RIC1: variants seen among roughly 807,000 people sequenced by gnomAD.
RIC1 encodes the protein RIC1 partner of RAB6A GEF complex, also known as guanine nucleotide exchange factor subunit RIC1.
A neutral mutation model predicts 169.0 loss-of-function variants in RIC1; 88 were observed. The observed-to-expected ratio is 0.52, with a 90% CI of 0.44 to 0.62. RIC1 has a LOEUF of 0.62. RIC1 is among the 20% of genes least tolerant of loss of function. The pLI, the probability that RIC1 is intolerant of heterozygous loss-of-function variation, is 0.00. For synonymous variants in RIC1, 790 were observed against 601.5 expected, an observed-to-expected ratio of 1.31 and a Z score of -4.59; for missense variants, 1,877 against 1,725.5, an observed-to-expected ratio of 1.09 and a Z score of -1.56.
intron 1 of RIC1, among the ~76,000 whole-genome samples, chr9:5,639,510 T>C (rs1298965001): frequency 2.6e-5 from 4 of 152,242 alleles, no homozygotes; most frequent in Non-Finnish European, 4.4e-5. Context: ...ACCTATCATA[T>C]GAGCAATCCT....
chr9:5,727,565 C>G (rs555291705), intron 6 of RIC1, among the ~76,000 whole-genome samples: 1 of 152,330 alleles, frequency 6.6e-6, no homozygotes, highest in South Asian at 2.1e-4. Context: ...CATTCTCCAT[C>G]GAGCTTTGTT....
intron 11 of RIC1, 101 bp from the exon 12 acceptor site, chr9:5,747,201 A>T (rs1163789566): frequency 1.2e-6 from 1 of 835,040 alleles, no homozygotes; most frequent in Non-Finnish European, 2.0e-6. Flanking sequence ...TACATTTCCT[A>T]TAATAAAACT....
chr9:5,675,872 C>A (rs1195982946), intron 2 of RIC1, among the ~76,000 whole-genome samples: 1 of 152,160 alleles, frequency 6.6e-6, no homozygotes, highest in East Asian at 1.9e-4. Context: ...ATGCATACAG[C>A]ACATTTGCAG....
rs774461019 is a variant in RIC1 at position 5,720,744 on chromosome 9, T to C, written c.714T>C (p.Thr238=). 3 of 1,604,406 alleles carry C rather than the reference T, an allele frequency of 1.9e-6. No individual in the cohort carries two copies. The highest frequency in any genetic ancestry group is 2.2e-5 in the South Asian group (2 of 88,914). Residue 238 remains threonine (T), a synonymous_variant, in exon 6 of 26, where the codon ACT becomes ACC. Coordinates refer to ENST00000414202, the MANE Select transcript of RIC1 (RefSeq NM_020829.4). ...GFITPVSSRF[T]AEQLHGVWPQ... is the part of the protein sequence containing the mutation. ...TTACACCAGTGTCAAGTAGATTTAC[T>C]GCAGAGGTATGACTTATTTACTTTG...
At chr9:5,668,998 G>A (rs1819941294) in intron 2 of RIC1, among the ~76,000 whole-genome samples, 1 of 152,166 alleles carries the variant, frequency 6.6e-6, no homozygotes, top group Non-Finnish European at 1.5e-5. Flanking sequence ...TGAGTATTAT[G>A]TTGTGGTGAC....
intron 6 of RIC1, among the ~76,000 whole-genome samples, chr9:5,726,977 G>A (rs1448931465): frequency 6.6e-6 from 1 of 152,132 alleles, no homozygotes; most frequent in Non-Finnish European, 1.5e-5. Flanking sequence ...CTCTCTGGCT[G>A]CCCTTAACAT....
intron 2 of RIC1, among the ~76,000 whole-genome samples, chr9:5,662,433 A>G (rs775577656): frequency 1.6e-4 from 25 of 151,572 alleles, no homozygotes; most frequent in Non-Finnish European, 3.7e-4. Context: ...TACCTCTGGT[A>G]GAATTCAGCT....
At position 5,765,498 on chromosome 9, in the gene RIC1, C is replaced by T; in HGVS notation, c.2926C>T (p.Arg976Ter). The T allele has an allele frequency of 2.5e-6, 4 of 1,614,158 alleles. No homozygotes were observed. The highest frequency in any genetic ancestry group is 3.4e-6 in the Non-Finnish European group (4 of 1,179,994). ...ALEQGKWDLC[R>*]HMIRFLKAIG... ...AGAACAAGGCAAGTGGGACCTTTGT[C>T]GACACATGATTCGATTTCTTAAAGC... Residue 976 changes from arginine (R) to a stop codon, truncating the protein, a stop_gained, in exon 20 of 26, where the codon CGA (arginine) becomes TGA (stop). Coordinates refer to ENST00000414202, the MANE Select transcript of RIC1 (RefSeq NM_020829.4). LOFTEE classifies it high-confidence loss of function.
At position 5,765,455 on chromosome 9, in the gene RIC1, T is replaced by C; in HGVS notation, c.2883T>C (p.Leu961=). 6.2e-7 allele frequency: 1 copy of C among 1,614,160 alleles called. No homozygotes were observed. Among genetic ancestry groups the C allele is most frequent in the Non-Finnish European group, 8.5e-7 (1 of 1,179,974 alleles). ...VPAVSRQHAT[L]LFNTALEQGK... ...CAGTAAGTAGGCAACATGCTACCCTTCTATTCAACACAGCACTAGAACAAG... is the reference window on the plus strand; with the variant it reads ...CAGTAAGTAGGCAACATGCTACCCTCCTATTCAACACAGCACTAGAACAAG... Residue 961 remains leucine (L), a synonymous_variant, in exon 20 of 26, where the codon CTT becomes CTC. Transcript: ENST00000414202.
intron 3 of RIC1, among the ~76,000 whole-genome samples, chr9:5,697,539 A>G (rs186990346): frequency 1.3e-5 from 2 of 152,214 alleles, no homozygotes; most frequent in East Asian, 3.9e-4. Flanking sequence ...ATATTTAAGC[A>G]CATCCAAGAT....
Position 5,772,484 on chromosome 9 carries a change from G to A in RIC1, c.3617-80G>A, listed in dbSNP as rs189532070. On this transcript the variant is annotated intron_variant, in intron 23 of 25. Transcript: ENST00000414202. ...AAGATCCTGAGAAATCAACATCTGA[G>A]GAACAGCTAATATTTAAAATTAAAG... 1.1e-4 allele frequency: 125 copies of A among 1,148,716 alleles called. No homozygotes were observed. The African/African-American group carries it at 1.8e-3, about 16-fold the overall frequency. The allele number at this position is 1,148,716 out of a possible 1,614,324, so 71.2% of individuals were successfully genotyped here. A position where few individuals can be genotyped will look rare whatever the true frequency, so the allele number is the denominator to read the frequency against.
At chr9:5,684,234 C>G (rs1207658314) in intron 2 of RIC1, among the ~76,000 whole-genome samples, 1 of 122,518 alleles carries the variant, frequency 8.2e-6, no homozygotes, top group Non-Finnish European at 1.6e-5. Context: ...ATGCTGGGAG[C>G]TGTAGACTGG....
chr9:5,685,905 A>G (rs1033324892), intron 2 of RIC1, among the ~76,000 whole-genome samples: 1 of 148,764 alleles, frequency 6.7e-6, no homozygotes, highest in African/African-American at 2.5e-5. Context: ...TCCAGAATCT[A>G]CAATGAACTC....
intron 1 of RIC1, among the ~76,000 whole-genome samples, chr9:5,644,743 CTG>C (rs1425646066): frequency 6.6e-6 from 1 of 152,164 alleles, no homozygotes; most frequent in African/African-American, 2.4e-5. Context: ...GTATACATGT[CTG>C]TGTGTGGATA....
intron 13 of RIC1, 144 bp from the exon 14 acceptor site, chr9:5,753,392 A>C (rs1825831741): frequency 7.4e-6 from 6 of 808,360 alleles, no homozygotes; most frequent in Admixed American, 2.6e-5. Context: ...ATTTTGTCAG[A>C]TATAACTGAA....
intron 1 of RIC1, among the ~76,000 whole-genome samples, chr9:5,647,760 GC>G (rs1224098161): frequency 6.6e-6 from 1 of 152,068 alleles, no homozygotes; most frequent in Admixed American, 6.6e-5. Flanking sequence ...GATTGCTCTG[GC>G]TAGGGCTTTA....
chr9:5,743,149 G>T, intron 9 of RIC1, 136 bp downstream of exon 9: 1 of 700,076 alleles, frequency 1.4e-6, no homozygotes, highest in East Asian at 2.7e-5. Context: ...TTCATAATCT[G>T]TTCGAATATA....
intron 2 of RIC1, among the ~76,000 whole-genome samples, chr9:5,675,313 C>T (rs1011113777): frequency 1.3e-5 from 2 of 151,846 alleles, no homozygotes; most frequent in African/African-American, 4.8e-5. Flanking sequence ...AGTAGGTAAT[C>T]GGAATGAGTC....
At chr9:5,697,469 A>G (rs1408090813) in intron 3 of RIC1, among the ~76,000 whole-genome samples, 1 of 152,208 alleles carries the variant, frequency 6.6e-6, no homozygotes, top group African/African-American at 2.4e-5. Flanking sequence ...GAATAATAAA[A>G]TGACCATCTG....
Sources: allele counts gnomAD v4.1 joint callset (sites outside exome capture counted in the v4.1 genomes callset), GRCh38; gene constraint gnomAD v4.1.1; transcripts MANE v1.5; gene names NCBI Gene and HGNC (gene_info 2026-07-23, HGNC 2026-07-21).